MACROD2: variants seen among roughly 807,000 people sequenced by gnomAD.
MACROD2 encodes the protein mono-ADP ribosylhydrolase 2.
Under a neutral mutation model 70.4 loss-of-function variants are expected in MACROD2, and 36 were observed. The ratio of observed to expected loss-of-function variants is 0.51; its 90% CI spans 0.39 to 0.68. The LOEUF is 0.68. MACROD2 is among the 30% of genes least tolerant of loss of function. The pLI, the probability that MACROD2 is intolerant of heterozygous loss-of-function variation, is 0.00. For synonymous variants in MACROD2, 172 were observed against 178.8 expected (o/e 0.96, Z 0.30); for missense variants, 496 against 538.4 (o/e 0.92, Z 0.78).
chr20:16,005,067 G>A (rs1028128414), intron 15 of MACROD2, among the ~76,000 whole-genome samples: 3 of 152,104 alleles, frequency 2.0e-5, no homozygotes, highest in Non-Finnish European at 2.9e-5. Flanking sequence ...GGAAAATGAA[G>A]ATAAAAATTC....
At chr20:14,681,702 AACTGCAC>A (rs2123588070) in intron 4 of MACROD2, among the ~76,000 whole-genome samples, 1 of 152,296 alleles carries the variant, frequency 6.6e-6, no homozygotes, top group African/African-American at 2.4e-5. Context: ...AAGTTGTCAA[AACTGCAC>A]ACTTAAAATC....
rs1206706409 is a variant in MACROD2, at chr20:15,006,129, T to TTATA, written c.419-223801_419-223798dup. Among the ~76,000 whole-genome samples the TTATA allele has an allele frequency of 1.4e-3, 193 of 139,014 alleles. 2 individuals carry two copies. The highest frequency in any genetic ancestry group is 4.7e-3 in the African/African-American group (172 of 36,486). The allele number at this position is 139,014 out of a possible 152,430, so 91.2% of individuals were successfully genotyped here. On this transcript the variant is annotated intron_variant, in intron 5 of 17. Transcript: ENST00000684519. ...ATTAAAAAGACACAAAGAATGCATTTTATATATATATATGTGTGTGTGTGT... is the reference window on the plus strand; with the variant it reads ...ATTAAAAAGACACAAAGAATGCATTTTATATATATATATATATGTGTGTGTGTGT...
intron 5 of MACROD2, among the ~76,000 whole-genome samples, chr20:14,753,157 C>G (rs1026870518): frequency 2.0e-5 from 3 of 152,120 alleles, no homozygotes; most frequent in Non-Finnish European, 4.4e-5. Context: ...ACCCCTGCCT[C>G]TAAATGAAGC....
chr20:15,198,078 C>T (rs532558233), intron 5 of MACROD2, among the ~76,000 whole-genome samples: 55 of 151,014 alleles, frequency 3.6e-4, no homozygotes, highest in Middle Eastern at 3.4e-3. Context: ...TCTCCTGCTT[C>T]AGCCTCCTGA....
chr20:15,718,060 G>A (rs1297540318), intron 8 of MACROD2, among the ~76,000 whole-genome samples: 2 of 144,360 alleles, frequency 1.4e-5, no homozygotes, highest in African/African-American at 5.2e-5. Context: ...TCACTCTGTC[G>A]CCCAGGCTGG....
intron 5 of MACROD2, among the ~76,000 whole-genome samples, chr20:14,758,455 AG>A (rs924131413): frequency 6.6e-6 from 1 of 152,208 alleles, no homozygotes; most frequent in Non-Finnish European, 1.5e-5. Flanking sequence ...AGCTGGATTC[AG>A]GCCTGTGAAT....
chr20:15,777,436 A>G (rs2051740372), intron 8 of MACROD2, among the ~76,000 whole-genome samples: 2 of 133,244 alleles, frequency 1.5e-5, no homozygotes, highest in Non-Finnish European at 3.1e-5. Context: ...ACTGAGAGAC[A>G]TGTTTTTTTT....
chr20:15,232,516 A>C (rs2076967756), intron 6 of MACROD2, among the ~76,000 whole-genome samples: 1 of 152,084 alleles, frequency 6.6e-6, no homozygotes, highest in South Asian at 2.1e-4. Context: ...CTGTTATTGC[A>C]GACCTGTCCA....
rs115678139 is a variant in MACROD2, at chr20:15,648,856, C to T, written c.645+149009C>T. ...AAGGATGTCCTAAACAGATTAGAAA[C>T]TTGTCTAAATTTATCCTATCTGTTA... is the stretch of plus-strand genomic sequence containing the variant. On this transcript the variant is annotated intron_variant, in intron 8 of 17. Transcript: ENST00000684519. 5.3e-3 allele frequency among the ~76,000 whole-genome samples: 814 copies of T among 152,186 alleles called. 11 individuals carry two copies. The highest frequency in any genetic ancestry group is 0.018 in the African/African-American group (760 of 41,556).
intron 3 of MACROD2, among the ~76,000 whole-genome samples, chr20:14,336,299 T>C (rs901384106): frequency 1.2e-4 from 19 of 152,170 alleles, no homozygotes; most frequent in Non-Finnish European, 2.4e-4. Flanking sequence ...TTAAAACCAT[T>C]AGAGATTTTG....
chr20:14,455,510 A>G (rs1213991465), intron 3 of MACROD2, among the ~76,000 whole-genome samples: 2 of 151,816 alleles, frequency 1.3e-5, no homozygotes, highest in South Asian at 2.1e-4. Context: ...AAAGCATTCA[A>G]CCTGCCCCTG....
chr20:14,926,743 T>C (rs1489545156), intron 5 of MACROD2, among the ~76,000 whole-genome samples: 1 of 152,128 alleles, frequency 6.6e-6, no homozygotes, highest in Admixed American at 6.6e-5. Context: ...ATGATATTTT[T>C]TCCCTTTTTG....
At chr20:15,971,949 A>G (rs2066237826) in intron 13 of MACROD2, among the ~76,000 whole-genome samples, 1 of 152,206 alleles carries the variant, frequency 6.6e-6, no homozygotes, top group Non-Finnish European at 1.5e-5. Flanking sequence ...GGGCATGTTA[A>G]AAGTTGTTAT....
At chr20:14,123,027 A>G (rs568143589) in intron 3 of MACROD2, among the ~76,000 whole-genome samples, 89 of 152,304 alleles carry the variant, frequency 5.8e-4, no homozygotes, top group African/African-American at 2.0e-3. Flanking sequence ...GAATGAAGCT[A>G]GTTCTGTAGT....
At chr20:15,963,590 T>C (rs1403471761) in intron 12 of MACROD2, among the ~76,000 whole-genome samples, 2 of 152,192 alleles carry the variant, frequency 1.3e-5, no homozygotes, top group Non-Finnish European at 2.9e-5. Flanking sequence ...GATTAATTCA[T>C]GGAGCAGGAA....
chr20:14,194,364 GA>G (rs1047616751), intron 3 of MACROD2, among the ~76,000 whole-genome samples: 43 of 152,314 alleles, frequency 2.8e-4, no homozygotes, highest in African/African-American at 1.0e-3. Context: ...GACCTGACTT[GA>G]AAATGATGGG....
chr20:15,530,434 T>C (rs987590519), intron 8 of MACROD2, among the ~76,000 whole-genome samples: 3 of 152,164 alleles, frequency 2.0e-5, no homozygotes, highest in Non-Finnish European at 4.4e-5. Context: ...AGCTGTTTTT[T>C]TAATTAAGAT....
intron 5 of MACROD2, among the ~76,000 whole-genome samples, chr20:14,944,816 T>G (rs1406226632): frequency 1.3e-5 from 2 of 152,092 alleles, no homozygotes; most frequent in Non-Finnish European, 2.9e-5. Context: ...ACCAGTCTGG[T>G]GTTGCTCTAG....
intron 6 of MACROD2, among the ~76,000 whole-genome samples, chr20:15,307,473 G>A (rs2077709338): frequency 6.6e-6 from 1 of 152,022 alleles, no homozygotes; most frequent in Non-Finnish European, 1.5e-5. Context: ...TTGTTATGTT[G>A]TTCTGTCTCC....
Sources: allele counts gnomAD v4.1 joint callset (sites outside exome capture counted in the v4.1 genomes callset), GRCh38; gene constraint gnomAD v4.1.1; transcripts MANE v1.5; gene names NCBI Gene and HGNC (gene_info 2026-07-23, HGNC 2026-07-21).